The following NMNAT1 variants were observed in gnomAD, a reference collection of about 807,000 sequenced individuals.
NMNAT1 encodes the protein nicotinamide/nicotinic acid mononucleotide adenylyltransferase 1.
In NMNAT1, 11 loss-of-function variants were observed where a neutral mutation model predicts 16.7. That is an observed-to-expected ratio of 0.66 (90% CI 0.41 to 1.09). The LOEUF is 1.09. Ranked by LOEUF, NMNAT1 falls within the 50% of genes least tolerant of loss-of-function variation. The probability of loss-of-function intolerance (pLI) is 0.00; values close to 1 mark genes in which losing one functional copy is unlikely to be tolerated. For synonymous variants in NMNAT1, 110 were observed against 119.8 expected, an observed-to-expected ratio of 0.92 and a Z score of 0.53; for missense variants, 280 against 332.3, an observed-to-expected ratio of 0.84 and a Z score of 1.22.
chr1:9,989,347 A>G (rs1490343813), downstream of NMNAT1, among the ~76,000 whole-genome samples: 3 of 152,022 alleles, frequency 2.0e-5, no homozygotes, highest in Non-Finnish European at 4.4e-5. Flanking sequence ...AATCCCAGCT[A>G]CTCAGGAGGC....
At chr1:9,949,616 A>G (rs1180046240) in intron 1 of NMNAT1, 1 of 151,626 alleles carries the variant, frequency 6.6e-6, no homozygotes, top group African/African-American at 2.4e-5. Context: ...GTGTATATAT[A>G]TAATTTTTTT....
chr1:9,945,894 C>G (rs1402984452), intron 1 of NMNAT1, among the ~76,000 whole-genome samples: 2 of 152,154 alleles, frequency 1.3e-5, no homozygotes, highest in South Asian at 2.1e-4. Context: ...GCTGGGACTT[C>G]AGGTGCATGC....
intron 1 of NMNAT1, among the ~76,000 whole-genome samples, chr1:9,957,941 C>A (rs182757051): frequency 2.0e-5 from 3 of 152,156 alleles, no homozygotes; most frequent in African/African-American, 7.2e-5. Flanking sequence ...AACGCTAGAC[C>A]GTTGGGACTG....
At chr1:9,954,223 CT>C (rs200912795) in intron 1 of NMNAT1, among the ~76,000 whole-genome samples, 11 of 150,458 alleles carry the variant, frequency 7.3e-5, no homozygotes, top group Non-Finnish European at 1.2e-4. Context: ...ACTCTGTGTC[CT>C]TTTTTTTTGG....
At chr1:9,973,498 G>A (rs1641734729) in intron 2 of NMNAT1, among the ~76,000 whole-genome samples, 2 of 151,584 alleles carry the variant, frequency 1.3e-5, no homozygotes, top group Non-Finnish European at 2.9e-5. Context: ...ACAAGGTCAG[G>A]AGATTGAGAC....
intron 1 of NMNAT1, among the ~76,000 whole-genome samples, chr1:9,955,640 C>T (rs77972069): frequency 0.11 from 16,652 of 151,932 alleles, 1,108 homozygotes; most frequent in East Asian, 0.21. Context: ...AAAAGAGATA[C>T]TTAGGAAGTT....
chr1:9,969,066 G>A (rs1641629937), intron 1 of NMNAT1, among the ~76,000 whole-genome samples: 1 of 152,036 alleles, frequency 6.6e-6, no homozygotes, highest in East Asian at 1.9e-4. Context: ...TCAGAGCATA[G>A]GCTCTTAACT....
intron 3 of NMNAT1, among the ~76,000 whole-genome samples, chr1:9,979,246 T>A (rs571994627): frequency 1.6e-4 from 25 of 152,144 alleles, no homozygotes; most frequent in African/African-American, 5.8e-4. Context: ...GGCAGGAGGA[T>A]TGCTTGAGGC....
At chr1:9,943,007 AC>A, upstream of NMNAT1, 1 of 332,602 alleles carries the variant, frequency 3.0e-6, no homozygotes, top group South Asian at 2.4e-5. Context: ...ATGGCGTCAA[AC>A]CCAGAGGCTT....
At chr1:9,949,580 T>TTG (rs34748242) in intron 1 of NMNAT1, 97,291 of 147,754 alleles carry the variant, frequency 0.66, 36,018 homozygotes, top group Non-Finnish European at 0.84. Flanking sequence ...CAGCTAATTT[T>TTG]TGTGTGTGTA....
chr1:9,993,475 CAA>C, the NMNAT1 span, among the ~76,000 whole-genome samples: 1 of 134,094 alleles, frequency 7.5e-6, no homozygotes. Context: ...CACCCCATCT[CAA>C]AAAAAAAAAG....
intron 1 of NMNAT1, among the ~76,000 whole-genome samples, chr1:9,948,268 C>A (rs1233041936): frequency 1.3e-5 from 2 of 152,068 alleles, no homozygotes; most frequent in African/African-American, 4.8e-5. Context: ...TAGTACTGTT[C>A]TTTTTCTCAA....
At chr1:9,970,241 G>A (rs940805287) in intron 1 of NMNAT1, among the ~76,000 whole-genome samples, 3 of 152,124 alleles carry the variant, frequency 2.0e-5, no homozygotes, top group Non-Finnish European at 4.4e-5. Flanking sequence ...AGCACATAAT[G>A]TAGAGTTATG....
At position 9,982,611 on chromosome 1, in the gene NMNAT1, G is replaced by A; in HGVS notation, c.750G>A (p.Lys250=). The change falls in exon 5 of 5, where the codon AAG becomes AAA. Residue 250 remains lysine (K), a synonymous_variant. Transcript: ENST00000377205. ...VPDLVQEYIE[K]HNLYSSESED... is the part of the protein sequence containing the mutation. ...ATCTTGTCCAAGAATACATTGAAAA[G>A]CATAATTTGTACAGCTCTGAGAGTG... is the stretch of plus-strand genomic sequence containing the variant. 1.2e-6 allele frequency: 2 copies of A among 1,614,158 alleles called. No individual in the cohort carries two copies. Among genetic ancestry groups the A allele is most frequent in the South Asian group, 1.1e-5 (1 of 91,080 alleles).
chr1:9,968,978 A>G (rs1296793285), intron 1 of NMNAT1, among the ~76,000 whole-genome samples: 6 of 151,768 alleles, frequency 4.0e-5, no homozygotes, highest in Admixed American at 4.0e-4. Flanking sequence ...AACCTGGCAC[A>G]AAAGGAAGGT....
At chr1:9,982,153 G>A (rs537427770) in intron 4 of NMNAT1, 148 bp from the exon 5 acceptor site, 7 of 1,040,048 alleles carry the variant, frequency 6.7e-6, no homozygotes, top group East Asian at 5.2e-5. Context: ...TAGAGCCACC[G>A]CACTCGGCCT....
intron 1 of NMNAT1, among the ~76,000 whole-genome samples, chr1:9,945,561 A>G (rs1483341238): frequency 1.3e-5 from 2 of 151,928 alleles, no homozygotes; most frequent in Admixed American, 1.3e-4. Context: ...TTAGCTGTGC[A>G]TGGTGGCGTA....
Position 9,981,179 on chromosome 1 carries a change from G to A in NMNAT1, c.439+9G>A, listed in dbSNP as rs777720899. ...AGAGCCAAAAACAAAAGGTTTGTATGTTTTAGCAGGACCCACGGACTAGAG... is the reference window on the plus strand; with the variant it reads ...AGAGCCAAAAACAAAAGGTTTGTATATTTTAGCAGGACCCACGGACTAGAG... On this transcript the variant is annotated intron_variant, in intron 4 of 4. Coordinates refer to ENST00000377205, the MANE Select transcript of NMNAT1 (RefSeq NM_022787.4). The A allele has an allele frequency of 6.2e-6, 10 of 1,604,610 alleles. No homozygotes were observed. In the South Asian group the frequency reaches 1.1e-4, roughly 18 times the overall value.
the NMNAT1 span, among the ~76,000 whole-genome samples, chr1:9,990,917 G>C: frequency 2.0e-5 from 3 of 152,010 alleles, no homozygotes; most frequent in South Asian, 4.1e-4. Flanking sequence ...TCCTGTCTAG[G>C]AAGATATTAG....
Sources: gnomAD v4.1 joint callset for allele counts (sites outside exome capture counted in the v4.1 genomes callset) on GRCh38, gnomAD v4.1.1 for gene constraint, MANE v1.5 for transcripts, NCBI Gene and HGNC (gene_info 2026-07-23, HGNC 2026-07-21) for gene names.